The following ATL1 variants were observed in gnomAD, a reference collection of about 807,000 sequenced individuals.
The protein encoded by ATL1 is atlastin-1.
In ATL1, 31 loss-of-function variants were observed where a neutral mutation model predicts 75.5. That is an observed-to-expected ratio of 0.41 (90% CI 0.31 to 0.55). ATL1 has a LOEUF of 0.55. ATL1 is among the 20% of genes least tolerant of loss of function. The pLI, the probability that ATL1 is intolerant of heterozygous loss-of-function variation, is 0.27. For synonymous variants in ATL1, 226 were observed against 233.3 expected (o/e 0.97, Z 0.28); for missense variants, 405 against 662.6 (o/e 0.61, Z 4.27).
At chr14:50,612,872 G>A (rs988983239) in intron 6 of ATL1, among the ~76,000 whole-genome samples, 3 of 152,186 alleles carry the variant, frequency 2.0e-5, no homozygotes, top group East Asian at 1.9e-4. Context: ...CTTTATAAAA[G>A]AAAAGCTGAT....
At chr14:50,598,653 G>A (rs2039244102) in intron 6 of ATL1, among the ~76,000 whole-genome samples, 1 of 152,166 alleles carries the variant, frequency 6.6e-6, no homozygotes, top group Non-Finnish European at 1.5e-5. Flanking sequence ...GTGAGCCACT[G>A]TGCCCGGCCT....
Position 50,587,779 on chromosome 14 carries a change from T to G in ATL1, c.35-52T>G, listed in dbSNP as rs1268483837. 10 of 1,613,168 alleles carry G rather than the reference T, an allele frequency of 6.2e-6. No individual in the cohort carries two copies. In the Admixed American group the frequency reaches 8.3e-5, roughly 13 times the overall value. On this transcript the variant is annotated intron_variant, in intron 1 of 13. Transcript: ENST00000358385. ...TGAGAGTTAAGAGGTACATATACAT[T>G]TCTTGGCACTTTGAGATGATTAGCT...
At chr14:50,545,560 A>G (rs1313138338) in intron 1 of ATL1, among the ~76,000 whole-genome samples, 1 of 152,126 alleles carries the variant, frequency 6.6e-6, no homozygotes, top group African/African-American at 2.4e-5. Flanking sequence ...TAGTGCAAGG[A>G]CCTAAGATGT....
chr14:50,620,800 A>T, intron 9 of ATL1, 74 bp downstream of exon 9: 1 of 1,538,870 alleles, frequency 6.5e-7, no homozygotes, highest in African/African-American at 1.4e-5. Context: ...ATAAACAAAA[A>T]TTATAGACCC....
At chr14:50,550,445 C>T (rs2038688202) in intron 1 of ATL1, among the ~76,000 whole-genome samples, 1 of 152,188 alleles carries the variant, frequency 6.6e-6, no homozygotes, top group Non-Finnish European at 1.5e-5. Context: ...AGCGGTCAGC[C>T]ACCAGTCCTA....
chr14:50,606,059 G>C (rs1429935045), intron 6 of ATL1, among the ~76,000 whole-genome samples: 1 of 152,018 alleles, frequency 6.6e-6, no homozygotes, highest in Non-Finnish European at 1.5e-5. Context: ...GGGATGTATT[G>C]AGTGGTAAAA....
intron 1 of ATL1, among the ~76,000 whole-genome samples, chr14:50,551,775 C>T (rs1372920458): frequency 6.6e-6 from 1 of 152,058 alleles, no homozygotes; most frequent in Non-Finnish European, 1.5e-5. Context: ...GTGATAATCT[C>T]AGTAGGCACA....
chr14:50,622,704 T>A (rs925278337), intron 10 of ATL1, among the ~76,000 whole-genome samples: 2 of 151,982 alleles, frequency 1.3e-5, no homozygotes, highest in Non-Finnish European at 2.9e-5. Flanking sequence ...AATAAATAAA[T>A]TTTAAAAAGG....
intron 6 of ATL1, among the ~76,000 whole-genome samples, chr14:50,604,236 C>CCACA (rs1411395064): frequency 1.3e-5 from 2 of 152,108 alleles, no homozygotes; most frequent in Non-Finnish European, 2.9e-5. Flanking sequence ...TCAACCTAGG[C>CCACA]CACAGCTCAG....
At chr14:50,586,695 A>G (rs764970744) in intron 1 of ATL1, among the ~76,000 whole-genome samples, 20 of 151,918 alleles carry the variant, frequency 1.3e-4, no homozygotes, top group Non-Finnish European at 2.5e-4. Context: ...GATTGCTACC[A>G]AAGAGGCAGA....
intron 1 of ATL1, among the ~76,000 whole-genome samples, chr14:50,547,859 G>A (rs1194327194): frequency 6.6e-6 from 1 of 152,108 alleles, no homozygotes; most frequent in Non-Finnish European, 1.5e-5. Flanking sequence ...CACTTGGGAG[G>A]GCCAATAATG....
chr14:50,618,604 A>C (rs540794124), intron 8 of ATL1, among the ~76,000 whole-genome samples: 1 of 152,132 alleles, frequency 6.6e-6, no homozygotes, highest in African/African-American at 2.4e-5. Context: ...TTCTAACATA[A>C]AATAGTATTT....
intron 1 of ATL1, among the ~76,000 whole-genome samples, chr14:50,573,550 A>G (rs2038974107): frequency 6.6e-6 from 1 of 152,184 alleles, no homozygotes; most frequent in South Asian, 2.1e-4. Context: ...GTACTAATGC[A>G]TTTTTAATTT....
At chr14:50,564,647 C>CAAAAAAAAAAAAAAAAAA (rs60054322) in intron 1 of ATL1, among the ~76,000 whole-genome samples, 6 of 40,004 alleles carry the variant, frequency 1.5e-4, no homozygotes, top group Admixed American at 8.9e-4. Context: ...GATTCCGTCT[C>CAAAAAAAAAAAAAAAAAA]AAAAAAAAAA....
chr14:50,559,171 A>G (rs1372913159), upstream of ATL1: 1 of 152,296 alleles, frequency 6.6e-6, no homozygotes. Flanking sequence ...GAGAGAGTGT[A>G]GCGTGAGGAG....
intron 1 of ATL1, among the ~76,000 whole-genome samples, chr14:50,578,742 T>A (rs541867762): frequency 1.3e-5 from 2 of 152,358 alleles, no homozygotes; most frequent in African/African-American, 4.8e-5. Context: ...AATTTATTAA[T>A]CAGTCCCTCA....
At position 50,632,216 on chromosome 14, in the gene ATL1, G is replaced by A. The variant is rs372175573; in HGVS notation, c.1567-13G>A. The A allele has an allele frequency of 2.5e-6, 4 of 1,581,532 alleles. No individual in the cohort carries two copies. The African/African-American group carries it at 5.4e-5, about 21-fold the overall frequency. The stretch of plus-strand genomic sequence containing the variant: ...TAATAAAATGTTTTATAATTTTGAT[G>A]CTTTTATTCTAGGCTTTGTACAAGC... On this transcript the variant is annotated splice_polypyrimidine_tract_variant and intron_variant, in intron 13 of 13. Transcript: ENST00000358385.
At chr14:50,608,036 G>A (rs2039331343) in intron 6 of ATL1, among the ~76,000 whole-genome samples, 1 of 152,090 alleles carries the variant, frequency 6.6e-6, no homozygotes, top group Admixed American at 6.6e-5. Flanking sequence ...ATTTTAAAAA[G>A]TTAGATGATT....
chr14:50,587,573 C>T (rs187118718), intron 1 of ATL1, among the ~76,000 whole-genome samples: 233 of 151,204 alleles, frequency 1.5e-3, no homozygotes, highest in Middle Eastern at 0.01. Context: ...CCACACCTGA[C>T]GAATTTTAAA....
Sources: gnomAD v4.1 joint callset for allele counts (sites outside exome capture counted in the v4.1 genomes callset) on GRCh38, gnomAD v4.1.1 for gene constraint, MANE v1.5 for transcripts, NCBI Gene and HGNC (gene_info 2026-07-23, HGNC 2026-07-21) for gene names.